Variants in OR2L2 observed in about 807,000 individuals in gnomAD.
OR2L2 encodes the protein olfactory receptor family 2 subfamily L member 2.
For synonymous variants in OR2L2, 156 were observed against 135.4 expected (o/e 1.15, Z -1.06); for missense variants, 378 against 375.2 (o/e 1.01, Z -0.06).
chr1:248,039,238 G>T lies in OR2L2; in HGVS notation c.*32G>T. ...GTTCTGTGTTAGAGTCAAAGCGCTA[G>T]GTTCATATCAACTTAGTAGTGTACA... On this transcript the variant is annotated 3_prime_UTR_variant, in exon 3 of 3. Coordinates refer to ENST00000641771, the MANE Select transcript of OR2L2 (RefSeq NM_001385855.1). 6.4e-7 allele frequency: 1 copy of T among 1,568,894 alleles called. No homozygotes were observed. Among genetic ancestry groups the T allele is most frequent in the Non-Finnish European group, 8.6e-7 (1 of 1,156,076 alleles).
chr1:248,038,536 C>G lies in OR2L2; in HGVS notation c.269C>G (p.Ser90Cys), dbSNP rs1388604779. The change falls in exon 3 of 3, where the codon TCT becomes TGT. Residue 90 changes from serine (S) to cysteine (C), a missense_variant. Physicochemically the swap from Ser to Cys is moderately radical, Grantham distance 112. Coordinates refer to ENST00000641771, the MANE Select transcript of OR2L2 (RefSeq NM_001385855.1). ...MVYDFLYGNK[S>C]ISFTGCGIQS... ...TATGATTTTCTGTATGGAAACAAGTCTATCTCCTTCACTGGATGTGGGATT... is the reference window on the plus strand; with the variant it reads ...TATGATTTTCTGTATGGAAACAAGTGTATCTCCTTCACTGGATGTGGGATT... The G allele has an allele frequency of 3.1e-6, 5 of 1,614,200 alleles. No homozygotes were observed. The South Asian group carries it at 5.5e-5, about 18-fold the overall frequency.
rs1662820408 is a variant in OR2L2, at chr1:248,038,263, T to A, written c.-5T>A. The A allele has an allele frequency of 1.3e-6, 2 of 1,588,394 alleles. No individual in the cohort carries two copies. The highest frequency in any genetic ancestry group is 1.3e-5 in the African/African-American group (1 of 74,402). Reference sequence around the variant, plus strand: ...TCCCTTCAGGATGGATTGTAGGAATTCCCCATGGAAAATTACAATCAAACA... The same window carrying A: ...TCCCTTCAGGATGGATTGTAGGAATACCCCATGGAAAATTACAATCAAACA... On this transcript the variant is annotated 5_prime_UTR_variant, in exon 3 of 3. Transcript: ENST00000641771.
Position 248,038,249 on chromosome 1 carries a change from T to A in OR2L2, c.-19T>A. The A allele has an allele frequency of 6.5e-7, 1 of 1,535,024 alleles. No individual in the cohort carries two copies. The highest frequency in any genetic ancestry group is 9.0e-7 in the Non-Finnish European group (1 of 1,116,570). ...TTTACCCTTTTGTCTCCCTTCAGGA[T>A]GGATTGTAGGAATTCCCCATGGAAA... On this transcript the variant is annotated splice_region_variant and 5_prime_UTR_variant, in exon 3 of 3. An upstream start codon of the reference 5' UTR is lost. Transcript: ENST00000641771.
rs777839127 is a variant in OR2L2, at chr1:248,038,876, C to T, written c.609C>T (p.Thr203=). The T allele has an allele frequency of 6.2e-7, 1 of 1,614,108 alleles. No individual in the cohort carries two copies. The highest frequency in any genetic ancestry group is 1.7e-5 in the Admixed American group (1 of 60,008). The change falls in exon 3 of 3, where the codon ACC becomes ACT. Residue 203 remains threonine (T), a synonymous_variant. Coordinates refer to ENST00000641771, the MANE Select transcript of OR2L2 (RefSeq NM_001385855.1). ...AGAGCACAGTGTTTTTGAGCAGCAC[C>T]ATCTTTCTTGTGCTTCCTTTCACTG... is the stretch of plus-strand genomic sequence containing the variant. ...VYESTVFLSS[T]IFLVLPFTGI...
At chr1:248,034,692 C>T (rs991911767) in intron 1 of OR2L2, among the ~76,000 whole-genome samples, 13 of 152,116 alleles carry the variant, frequency 8.5e-5, no homozygotes, top group Non-Finnish European at 1.6e-4. Flanking sequence ...CCTTTTACTT[C>T]CTTGGTTAGG....
chr1:248,030,958 C>G (rs1452651402), intron 1 of OR2L2, among the ~76,000 whole-genome samples: 1 of 152,040 alleles, frequency 6.6e-6, no homozygotes, highest in African/African-American at 2.4e-5. Flanking sequence ...TCTCTTTTTC[C>G]TCCTGTGTAT....
In OR2L2 at chr1:248,042,135, G is replaced by A. The variant is rs1662966270; in HGVS notation, c.*2929G>A. 6.6e-6 allele frequency: 1 copy of A among 152,082 alleles called. No individual in the cohort carries two copies. The highest frequency in any genetic ancestry group is 1.5e-5 in the Non-Finnish European group (1 of 68,024). The allele number at this position is 152,082 out of a possible 1,614,324, so 9.4% of individuals were successfully genotyped here. A position where few individuals can be genotyped will look rare whatever the true frequency, so the allele number is the denominator to read the frequency against. The stretch of plus-strand genomic sequence containing the variant: ...GTCCAACGATGATAGACTGGATTAA[G>A]AAAATGTGGCACATATACACCATGG... On this transcript the variant is annotated 3_prime_UTR_variant, in exon 3 of 3. Transcript: ENST00000641771.
Position 248,040,103 on chromosome 1 carries a change from T to A in OR2L2, c.*897T>A, listed in dbSNP as rs1662909725. The A allele has an allele frequency of 6.6e-6, 1 of 152,240 alleles. No homozygotes were observed. The highest frequency in any genetic ancestry group is 2.4e-5 in the African/African-American group (1 of 41,456). 9.4% of individuals were successfully genotyped at this position (152,240 alleles called of 1,614,324 possible). A position where few individuals can be genotyped will look rare whatever the true frequency, so the allele number is the denominator to read the frequency against. On this transcript the variant is annotated 3_prime_UTR_variant, in exon 3 of 3. Coordinates refer to ENST00000641771, the MANE Select transcript of OR2L2 (RefSeq NM_001385855.1). ...TATTTTCATGCAAGACATTCTCTTC[T>A]GCACAATTTTATTTCCACTTACTCT...
At chr1:248,030,802 A>G (rs1662598126) in intron 1 of OR2L2, among the ~76,000 whole-genome samples, 1 of 152,176 alleles carries the variant, frequency 6.6e-6, no homozygotes, top group South Asian at 2.1e-4. Context: ...GGAATCACGG[A>G]ACAATCCTGA....
rs1662944296 is a variant in OR2L2 at position 248,041,294 on chromosome 1, CTGG to C, written c.*2089_*2091del. The C allele has an allele frequency of 6.6e-6, 1 of 152,114 alleles. No individual in the cohort carries two copies. The highest frequency in any genetic ancestry group is 2.4e-5 in the African/African-American group (1 of 41,416). 9.4% of individuals were successfully genotyped at this position (152,114 alleles called of 1,614,324 possible). A position where few individuals can be genotyped will look rare whatever the true frequency, so the allele number is the denominator to read the frequency against. ...TATTTAATAAATGGTGCTGGGAAAA[CTGG>C]CTAGCCATATGTAAAAAGCTGAAAC... On this transcript the variant is annotated 3_prime_UTR_variant, in exon 3 of 3. Transcript: ENST00000641771.
chr1:248,030,510 T>C (rs746972744), intron 1 of OR2L2, among the ~76,000 whole-genome samples: 4 of 152,192 alleles, frequency 2.6e-5, no homozygotes, highest in African/African-American at 4.8e-5. Flanking sequence ...TAGACTATGC[T>C]TTCATGGGCT....
chr1:248,040,149 A>G lies in OR2L2; in HGVS notation c.*943A>G, dbSNP rs1304022200. ...ACTCTTCTCATAAATCAATAGGACT[A>G]TTCAGCTTGGATTGGGATCAGCTCC... On this transcript the variant is annotated 3_prime_UTR_variant, in exon 3 of 3. Transcript: ENST00000641771. The G allele has an allele frequency of 7.2e-5, 11 of 152,234 alleles. No homozygotes were observed. The highest frequency in any genetic ancestry group is 7.2e-4 in the Admixed American group (11 of 15,274). The allele number at this position is 152,234 out of a possible 1,614,324, so 9.4% of individuals were successfully genotyped here. A position where few individuals can be genotyped will look rare whatever the true frequency, so the allele number is the denominator to read the frequency against.
At position 248,040,214 on chromosome 1, in the gene OR2L2, A is replaced by G. The variant is rs931090408; in HGVS notation, c.*1008A>G. ...TTTATACCTGCTTAGGCATGTGCTT[A>G]AAAGGATCAACATTATTTCATAAAG... is the stretch of plus-strand genomic sequence containing the variant. On this transcript the variant is annotated 3_prime_UTR_variant, in exon 3 of 3. Coordinates refer to ENST00000641771, the MANE Select transcript of OR2L2 (RefSeq NM_001385855.1). The G allele has an allele frequency of 6.6e-6, 1 of 152,256 alleles. No homozygotes were observed. The highest frequency in any genetic ancestry group is 1.5e-5 in the Non-Finnish European group (1 of 68,056). 9.4% of individuals were successfully genotyped at this position (152,256 alleles called of 1,614,324 possible).
intron 1 of OR2L2, among the ~76,000 whole-genome samples, chr1:248,032,525 C>T (rs1662645748): frequency 6.6e-6 from 1 of 152,154 alleles, no homozygotes; most frequent in African/African-American, 2.4e-5. Flanking sequence ...TCCCTTCCCC[C>T]ATCCCCAGGG....
rs181107524 is a variant in OR2L2, at chr1:248,033,277, A to G, written c.-96-2273A>G. On this transcript the variant is annotated intron_variant, in intron 1 of 2. Transcript: ENST00000641771. ...TCTATATGGTGTAAAGTAAGCATCC[A>G]ATTTCAATATTTTGAATGTAGATAT... is the stretch of plus-strand genomic sequence containing the variant. Among the ~76,000 whole-genome samples the G allele has an allele frequency of 2.5e-3, 387 of 152,296 alleles. 3 individuals carry two copies. Among genetic ancestry groups the G allele is most frequent in the Admixed American group, 6.0e-3 (92 of 15,288 alleles).
At chr1:248,034,733 A>T (rs1042399045) in intron 1 of OR2L2, among the ~76,000 whole-genome samples, 5 of 152,082 alleles carry the variant, frequency 3.3e-5, no homozygotes, top group Admixed American at 6.6e-5. Flanking sequence ...TTTCTTTCTG[A>T]TACTATTGTA....
In OR2L2 at chr1:248,038,512, A is replaced by G. The variant is rs1009743502; in HGVS notation, c.245A>G (p.Tyr82Cys). The G allele has an allele frequency of 4.3e-6, 7 of 1,613,974 alleles. No homozygotes were observed. The Admixed American group carries it at 5.0e-5, about 12-fold the overall frequency. ...TCCACCATTGTTCCAAAGATGGTTT[A>G]TGATTTTCTGTATGGAAACAAGTCT... is the stretch of plus-strand genomic sequence containing the variant. ...YISTIVPKMV[Y>C]DFLYGNKSIS... The change falls in exon 3 of 3, where the codon TAT becomes TGT. Residue 82 changes from tyrosine to cysteine, a missense_variant. Physicochemically the swap from Tyr to Cys is radical, Grantham distance 194. Coordinates refer to ENST00000641771, the MANE Select transcript of OR2L2 (RefSeq NM_001385855.1).
intron 1 of OR2L2, among the ~76,000 whole-genome samples, chr1:248,033,223 A>G (rs1396313251): frequency 6.6e-6 from 1 of 152,122 alleles, no homozygotes; most frequent in Non-Finnish European, 1.5e-5. Flanking sequence ...TCTTACACTT[A>G]GGTCTTTGAT....
chr1:248,039,801 A>G lies in OR2L2; in HGVS notation c.*595A>G, dbSNP rs907067884. On this transcript the variant is annotated 3_prime_UTR_variant, in exon 3 of 3. Coordinates refer to ENST00000641771, the MANE Select transcript of OR2L2 (RefSeq NM_001385855.1). ...TACTGAATCTAATTGAATATTAAAT[A>G]GTTTTTATTTACTCTCAACTGGTAT... 2.0e-5 allele frequency: 3 copies of G among 152,160 alleles called. No individual in the cohort carries two copies. The highest frequency in any genetic ancestry group is 7.2e-5 in the African/African-American group (3 of 41,426). 9.4% of individuals were successfully genotyped at this position (152,160 alleles called of 1,614,324 possible).
Sources: allele counts gnomAD v4.1 joint callset (sites outside exome capture counted in the v4.1 genomes callset), GRCh38; gene constraint gnomAD v4.1.1; transcripts MANE v1.5; gene names NCBI Gene and HGNC (gene_info 2026-07-23, HGNC 2026-07-21).